The following MAST2 variants were observed in gnomAD, a reference collection of about 807,000 sequenced individuals.
MAST2 encodes microtubule-associated serine/threonine-protein kinase 2.
In MAST2, 70 loss-of-function variants were observed where a neutral mutation model predicts 147.4. That is an observed-to-expected ratio of 0.47 (90% CI 0.39 to 0.58). The LOEUF (loss-of-function observed/expected upper bound fraction) is 0.58, where lower values mean the gene tolerates loss of function less well. MAST2 is among the 20% of genes least tolerant of loss of function. The pLI, the probability that MAST2 is intolerant of heterozygous loss-of-function variation, is 0.00. For synonymous variants in MAST2, 869 were observed against 896.8 expected, an observed-to-expected ratio of 0.97 and a Z score of 0.55; for missense variants, 2,080 against 2,302.3, an observed-to-expected ratio of 0.90 and a Z score of 1.98.
intron 4 of MAST2, among the ~76,000 whole-genome samples, chr1:45,946,792 C>T (rs1003658861): frequency 1.3e-5 from 2 of 152,060 alleles, no homozygotes; most frequent in Non-Finnish European, 2.9e-5. Flanking sequence ...TTGATAGTCA[C>T]AATAGTAGTC....
chr1:45,875,273 C>T (rs185546210), intron 3 of MAST2, among the ~76,000 whole-genome samples: 21 of 152,256 alleles, frequency 1.4e-4, no homozygotes, highest in Non-Finnish European at 2.4e-4. Flanking sequence ...TGGGGAAACC[C>T]TGTCTCTACT....
chr1:46,008,102 T>C (rs1314308102), intron 8 of MAST2, among the ~76,000 whole-genome samples, 194 bp from the exon 9 acceptor site: 1 of 152,124 alleles, frequency 6.6e-6, no homozygotes, highest in Non-Finnish European at 1.5e-5. Flanking sequence ...TAGCTCCATA[T>C]AGTACCATTT....
intron 3 of MAST2, among the ~76,000 whole-genome samples, chr1:45,835,223 A>G (rs114027049): frequency 8.3e-4 from 127 of 152,222 alleles, no homozygotes; most frequent in African/African-American, 3.0e-3. Flanking sequence ...TATATACTAC[A>G]TACTCAAATT....
chr1:45,928,284 A>C (rs1654726602), intron 4 of MAST2, among the ~76,000 whole-genome samples: 1 of 152,234 alleles, frequency 6.6e-6, no homozygotes, highest in Admixed American at 6.5e-5. Flanking sequence ...GGACTCCTGA[A>C]AAATGTAATC....
chr1:45,997,802 A>G lies in MAST2; in HGVS notation c.668+3A>G, dbSNP rs1162151976. 2 of 1,613,728 alleles carry G rather than the reference A, an allele frequency of 1.2e-6. No homozygotes were observed. Among genetic ancestry groups the G allele is most frequent in the Admixed American group, 1.7e-5 (1 of 60,018 alleles). Reference sequence around the variant, plus strand: ...TTTTCTTTTGTTCCTGCCCGTAGGTAAGTTGATAGGAAACCTCCTCTGGGA... The same window carrying G: ...TTTTCTTTTGTTCCTGCCCGTAGGTGAGTTGATAGGAAACCTCCTCTGGGA... On this transcript the variant is annotated splice_donor_region_variant and intron_variant, in intron 6 of 28. Transcript: ENST00000361297.
At position 46,035,476 on chromosome 1, in the gene MAST2, G is replaced by C; in HGVS notation, c.4807G>C (p.Gly1603Arg). The change falls in exon 29 of 29, where the codon GGT (glycine) becomes CGT (arginine). Residue 1603 changes from glycine to arginine, a missense_variant. Around this residue, in one of 4 missense-constraint regions of MAST2, gnomAD observed 1,278 missense variants for 1,304.2 expected, o/e 0.98. Coordinates refer to ENST00000361297, the MANE Select transcript of MAST2 (RefSeq NM_015112.3). The surrounding 1 kb of genome is among the most constrained non-coding windows in gnomAD (Gnocchi z 5.5). The part of the protein sequence containing the change: ...ASSSSAGPNL[G>R]QSGATDPIPP... ...CTCCTCCTCAGCAGGCCCCAACCTA[G>C]GTCAGTCTGGAGCCACAGACCCCAT... 1 of 1,613,212 alleles carries C rather than the reference G, an allele frequency of 6.2e-7. No homozygotes were observed. The highest frequency in any genetic ancestry group is 1.1e-5 in the South Asian group (1 of 91,064).
At chr1:45,891,726 G>A (rs983394824) in intron 4 of MAST2, among the ~76,000 whole-genome samples, 1 of 151,754 alleles carries the variant, frequency 6.6e-6, no homozygotes, top group African/African-American at 2.4e-5. Context: ...ACAAAACAAG[G>A]GTGGTCTCAT....
At chr1:45,862,329 G>T (rs959598091) in intron 3 of MAST2, among the ~76,000 whole-genome samples, 1 of 152,146 alleles carries the variant, frequency 6.6e-6, no homozygotes, top group Non-Finnish European at 1.5e-5. Flanking sequence ...GAAAGATGGG[G>T]TATGTTCAGG....
intron 3 of MAST2, among the ~76,000 whole-genome samples, chr1:45,867,101 T>C (rs1305945696): frequency 6.6e-6 from 1 of 152,232 alleles, no homozygotes; most frequent in Non-Finnish European, 1.5e-5. Context: ...TCCAGAAGAT[T>C]GCTTTGGAAC....
chr1:45,971,923 T>G (rs1176837695), intron 5 of MAST2, among the ~76,000 whole-genome samples: 1 of 152,182 alleles, frequency 6.6e-6, no homozygotes, highest in Admixed American at 6.5e-5. Context: ...CATGCATATT[T>G]TAATGTTGTT....
intron 4 of MAST2, among the ~76,000 whole-genome samples, chr1:45,941,582 C>A (rs1657277599): frequency 2.0e-5 from 3 of 152,166 alleles, no homozygotes; most frequent in African/African-American, 7.2e-5. Context: ...TTAAAAATTT[C>A]TTTGGGATTT....
intron 4 of MAST2, among the ~76,000 whole-genome samples, chr1:45,955,623 AAG>A (rs1659546831): frequency 6.6e-6 from 1 of 152,162 alleles, no homozygotes; most frequent in Admixed American, 6.5e-5. Flanking sequence ...GACCTGAAGG[AAG>A]AGGGGAGCAA....
rs765391727 is a variant in MAST2 at position 46,035,855 on chromosome 1, C to CT, written c.5187dup (p.Glu1730Ter). On this transcript the variant is annotated frameshift_variant, in exon 29 of 29. Coordinates refer to ENST00000361297, the MANE Select transcript of MAST2 (RefSeq NM_015112.3). LOFTEE classifies it high-confidence loss of function. This position sits in a 1 kb window ranked among gnomAD's most constrained non-coding sequence, Gnocchi z 5.5. ...CCCAGCCAGGGCTGGCTATGGGAGT[C>CT]TGAGTGTGCACAAGCAGTGAAAGAG... The CT allele has an allele frequency of 1.2e-6, 2 of 1,614,096 alleles. No homozygotes were observed. Among genetic ancestry groups the CT allele is most frequent in the East Asian group, 2.2e-5 (1 of 44,866 alleles).
intron 3 of MAST2, among the ~76,000 whole-genome samples, chr1:45,858,935 T>C (rs1645886875): frequency 6.6e-6 from 1 of 152,176 alleles, no homozygotes; most frequent in African/African-American, 2.4e-5. Flanking sequence ...TGTGGTATTA[T>C]TTCTGAGGGC....
At chr1:45,883,192 T>C (rs776591560) in intron 4 of MAST2, among the ~76,000 whole-genome samples, 4 of 152,264 alleles carry the variant, frequency 2.6e-5, no homozygotes, top group Admixed American at 2.0e-4. Flanking sequence ...AACTTTTCCT[T>C]AACAAAAAAA....
Position 46,002,821 on chromosome 1 carries a change from T to C in MAST2, c.685T>C (p.Trp229Arg). 1 of 1,614,184 alleles carries C rather than the reference T, an allele frequency of 6.2e-7. No individual in the cohort carries two copies. Reference sequence around the variant, plus strand: ...TGCATACAGGACTGATGGGCGGCGCTGGTCTTTGGCCTCTTTGCCCTCTTC... The same window carrying C: ...TGCATACAGGACTGATGGGCGGCGCCGGTCTTTGGCCTCTTTGCCCTCTTC... ...VPARRTDGRR[W>R]SLASLPSSGY... is the part of the protein sequence containing the mutation. Residue 229 changes from tryptophan (W) to arginine (R), a missense_variant, in exon 7 of 29, where the codon TGG becomes CGG. This residue lies in a region of MAST2 where 569 missense variants were observed against 642.5 expected (regional missense o/e 0.89). Transcript: ENST00000361297.
chr1:45,954,395 C>T (rs1203866991), intron 4 of MAST2, among the ~76,000 whole-genome samples: 1 of 152,140 alleles, frequency 6.6e-6, no homozygotes, highest in South Asian at 2.1e-4. Flanking sequence ...GCACGATATG[C>T]CTTAGCCCTT....
At position 46,035,187 on chromosome 1, in the gene MAST2, C is replaced by G; in HGVS notation, c.4518C>G (p.Asp1506Glu). The change falls in exon 29 of 29, where the codon GAC (aspartate) becomes GAG (glutamate). Residue 1506 changes from aspartate to glutamate, a missense_variant. Physicochemically the swap from Asp to Glu is conservative, Grantham distance 45. This residue lies in a region of MAST2 where 1,278 missense variants were observed against 1,304.2 expected (regional missense o/e 0.98). Coordinates refer to ENST00000361297, the MANE Select transcript of MAST2 (RefSeq NM_015112.3). This position sits in a 1 kb window ranked among gnomAD's most constrained non-coding sequence, Gnocchi z 5.5. The stretch of plus-strand genomic sequence containing the variant: ...TTCGTGAGGTGGACTCCTCAGAGGA[C>G]GACACCGAGGAAGGGCCTGAGAACA... Reference protein sequence around the residue: ...EAIREVDSSEDDTEEGPENSQ... With the variant: ...EAIREVDSSEEDTEEGPENSQ... 1.2e-6 allele frequency: 2 copies of G among 1,613,956 alleles called. No individual in the cohort carries two copies. Among genetic ancestry groups the G allele is most frequent in the South Asian group, 2.2e-5 (2 of 91,074 alleles).
intron 6 of MAST2, among the ~76,000 whole-genome samples, chr1:45,999,500 A>C (rs180762754): frequency 1.4e-4 from 21 of 152,300 alleles, no homozygotes; most frequent in Non-Finnish European, 2.8e-4. Context: ...TTTCTCATTC[A>C]TTTGATAAAT....
Sources: allele counts gnomAD v4.1 joint callset (sites outside exome capture counted in the v4.1 genomes callset), GRCh38; gene constraint gnomAD v4.1.1; regional missense constraint gnomAD v4.1.1; non-coding constraint Gnocchi (gnomAD v3.1); transcripts MANE v1.5; gene names NCBI Gene and HGNC (gene_info 2026-07-23, HGNC 2026-07-21).